ICA1L: variants seen among roughly 807,000 people sequenced by gnomAD.
ICA1L encodes islet cell autoantigen 1 like, also known as islet cell autoantigen 1-like protein.
Under a neutral mutation model 61.3 loss-of-function variants are expected in ICA1L, and 50 were observed. The observed-to-expected ratio is 0.82, with a 90% CI of 0.65 to 1.03. The LOEUF is 1.03. ICA1L is among the 50% of genes least tolerant of loss of function. ICA1L has a pLI of 0.00. For synonymous variants in ICA1L, 161 were observed against 191.3 expected, an observed-to-expected ratio of 0.84 and a Z score of 1.31; for missense variants, 508 against 556.7, an observed-to-expected ratio of 0.91 and a Z score of 0.88.
Position 202,774,258 on chromosome 2 carries a change from A to G in ICA1L, c.*5275T>C, listed in dbSNP as rs950081715. The G allele has an allele frequency of 3.2e-6, 5 of 1,545,698 alleles. No individual in the cohort carries two copies. The Admixed American group carries it at 8.0e-5, about 25-fold the overall frequency. Reference sequence around the variant, plus strand: ...TGAGTCTTCTCGCTCCTGTCGGCCAAAGGCCGTGACCCCGACGCGTGCAGG... The same window carrying G: ...TGAGTCTTCTCGCTCCTGTCGGCCAGAGGCCGTGACCCCGACGCGTGCAGG... On this transcript the variant is annotated 3_prime_UTR_variant, in exon 13 of 13. Coordinates refer to ENST00000358299, the MANE Select transcript of ICA1L (RefSeq NM_001288622.3).
rs1435350980 is a variant in ICA1L, at chr2:202,849,630, C to A, written c.-7-20614G>T. ...TCTGAAAGAAAGGCAGCAGCCCCAG[C>A]CAGGGGTTTTTAGATAAAACTCCCA... On this transcript the variant is annotated intron_variant, in intron 1 of 12. Coordinates refer to ENST00000358299, the MANE Select transcript of ICA1L (RefSeq NM_001288622.3). The surrounding 1 kb of genome is among the most constrained non-coding windows in gnomAD (Gnocchi z 4.5). Among the ~76,000 whole-genome samples the A allele has an allele frequency of 6.6e-6, 1 of 152,206 alleles. No individual in the cohort carries two copies. The highest frequency in any genetic ancestry group is 2.4e-5 in the African/African-American group (1 of 41,456).
chr2:202,836,541 C>T (rs1694153408), intron 1 of ICA1L, among the ~76,000 whole-genome samples: 1 of 152,032 alleles, frequency 6.6e-6, no homozygotes, highest in Admixed American at 6.6e-5. Flanking sequence ...AGATCTCCTT[C>T]CTTTTCAATT....
At chr2:202,868,737 C>A (rs909738960) in intron 1 of ICA1L, among the ~76,000 whole-genome samples, 1 of 151,960 alleles carries the variant, frequency 6.6e-6, no homozygotes, top group African/African-American at 2.4e-5. Flanking sequence ...GAGGCTGAGG[C>A]TGGTGGATCA....
In ICA1L at chr2:202,871,644, G is replaced by A. The variant is rs1348091487; in HGVS notation, c.-33C>T. On this transcript the variant is annotated 5_prime_UTR_variant, in exon 1 of 13. Transcript: ENST00000358299. The stretch of plus-strand genomic sequence containing the variant: ...CGGCGCCGCTCTTCCGCCTCCTCGG[G>A]TCGCGTTCGGCCGTACGGTGATCCG... 2 of 152,254 alleles carry A rather than the reference G, an allele frequency of 1.3e-5. No homozygotes were observed. The highest frequency in any genetic ancestry group is 2.9e-5 in the Non-Finnish European group (2 of 68,088). The allele number at this position is 152,254 out of a possible 1,614,324, so 9.4% of individuals were successfully genotyped here.
intron 9 of ICA1L, among the ~76,000 whole-genome samples, chr2:202,797,509 C>G (rs1043061406): frequency 6.6e-6 from 1 of 152,006 alleles, no homozygotes; most frequent in African/African-American, 2.4e-5. Context: ...GAACACTGCT[C>G]TCTTAACAAT....
At chr2:202,802,310 A>T (rs1180983460) in intron 9 of ICA1L, among the ~76,000 whole-genome samples, 1 of 152,110 alleles carries the variant, frequency 6.6e-6, no homozygotes. Flanking sequence ...AGAAGTTAAA[A>T]TATATGAGGA....
intron 9 of ICA1L, among the ~76,000 whole-genome samples, chr2:202,805,164 C>T (rs1266660973): frequency 6.6e-6 from 1 of 152,060 alleles, no homozygotes; most frequent in African/African-American, 2.4e-5. Context: ...AATACAAATT[C>T]ATACAGACAA....
At chr2:202,797,061 C>A in intron 9 of ICA1L, 97 bp from the exon 10 acceptor site, 4 of 630,524 alleles carry the variant, frequency 6.3e-6, no homozygotes, top group South Asian at 2.4e-5. Context: ...GTTCAATTGA[C>A]CAAATCAGAA....
At chr2:202,783,398 C>T (rs959950893) in intron 12 of ICA1L, among the ~76,000 whole-genome samples, 1 of 152,158 alleles carries the variant, frequency 6.6e-6, no homozygotes, top group Non-Finnish European at 1.5e-5. Context: ...AGAAGTGAAA[C>T]AAAATAGACA....
intron 1 of ICA1L, among the ~76,000 whole-genome samples, chr2:202,834,399 C>T (rs1471102568): frequency 1.3e-5 from 2 of 152,034 alleles, no homozygotes; most frequent in Non-Finnish European, 2.9e-5. Context: ...GAGGCTGAGG[C>T]GGGTGGATAA....
intron 1 of ICA1L, among the ~76,000 whole-genome samples, chr2:202,855,843 AGGC>A (rs1694751517): frequency 6.6e-6 from 1 of 152,142 alleles, no homozygotes; most frequent in African/African-American, 2.4e-5. Flanking sequence ...TGGGAGGCCA[AGGC>A]GGGCAGATCA....
chr2:202,822,648 A>C (rs551405330), intron 3 of ICA1L, among the ~76,000 whole-genome samples: 1 of 152,342 alleles, frequency 6.6e-6, no homozygotes, highest in Admixed American at 6.5e-5. Context: ...TTATAAGCTT[A>C]AAGTAAATAA....
chr2:202,796,587 C>T (rs1042232614), intron 10 of ICA1L, among the ~76,000 whole-genome samples: 1 of 152,110 alleles, frequency 6.6e-6, no homozygotes, highest in Non-Finnish European at 1.5e-5. Flanking sequence ...GATATACAAA[C>T]AATTGTATTC....
chr2:202,851,349 T>G (rs964481127), intron 1 of ICA1L, among the ~76,000 whole-genome samples: 10 of 152,210 alleles, frequency 6.6e-5, no homozygotes, highest in African/African-American at 2.4e-4. Flanking sequence ...ACTCATCATT[T>G]TTTATGGCTG....
At chr2:202,809,134 G>T (rs891861530) in intron 9 of ICA1L, among the ~76,000 whole-genome samples, 3 of 152,004 alleles carry the variant, frequency 2.0e-5, no homozygotes, top group South Asian at 2.1e-4. Context: ...GAAGCTCAGC[G>T]AAATTCAAGA....
chr2:202,868,276 T>C (rs950241749), intron 1 of ICA1L, among the ~76,000 whole-genome samples: 3 of 152,170 alleles, frequency 2.0e-5, no homozygotes, highest in Non-Finnish European at 4.4e-5. Flanking sequence ...CACAATGATA[T>C]ACCAATACAC....
At chr2:202,822,077 T>C (rs1233274266) in intron 3 of ICA1L, among the ~76,000 whole-genome samples, 1 of 152,230 alleles carries the variant, frequency 6.6e-6, no homozygotes, top group Non-Finnish European at 1.5e-5. Context: ...AGAATAACTG[T>C]GTAGAGACTT....
chr2:202,797,927 T>G (rs1160544501), intron 9 of ICA1L, among the ~76,000 whole-genome samples: 3 of 152,198 alleles, frequency 2.0e-5, no homozygotes, highest in Non-Finnish European at 2.9e-5. Context: ...TTTTGTATCC[T>G]TTGGCCATCC....
intron 4 of ICA1L, among the ~76,000 whole-genome samples, 175 bp downstream of exon 4, chr2:202,821,183 T>C (rs1693692955): frequency 6.6e-6 from 1 of 152,244 alleles, no homozygotes; most frequent in South Asian, 2.1e-4. Context: ...TAAATAATTA[T>C]TTTGAATACA....
Sources: gnomAD v4.1 joint callset for allele counts (sites outside exome capture counted in the v4.1 genomes callset) on GRCh38, gnomAD v4.1.1 for gene constraint, Gnocchi (gnomAD v3.1) non-coding constraint, MANE v1.5 for transcripts, NCBI Gene and HGNC (gene_info 2026-07-23, HGNC 2026-07-21) for gene names.